The following COL24A1 variants were observed in gnomAD, a reference collection of about 807,000 sequenced individuals.
COL24A1 encodes collagen type XXIV alpha 1 chain.
COL24A1 carries 224 observed loss-of-function variants against 253.9 expected under a neutral mutation model. The ratio of observed to expected loss-of-function variants is 0.88; its 90% CI spans 0.79 to 0.99. COL24A1 has a LOEUF of 0.99. COL24A1 is among the 50% of genes least tolerant of loss of function. The probability of loss-of-function intolerance (pLI) is 0.00; values close to 1 mark genes in which losing one functional copy is unlikely to be tolerated. For synonymous variants in COL24A1, 685 were observed against 673.7 expected, an observed-to-expected ratio of 1.02 and a Z score of -0.26; for missense variants, 2,131 against 2,068.5, an observed-to-expected ratio of 1.03 and a Z score of -0.59.
At chr1:85,877,865 C>T (rs984135021) in intron 32 of COL24A1, among the ~76,000 whole-genome samples, 147 of 152,108 alleles carry the variant, frequency 9.7e-4, no homozygotes, top group African/African-American at 3.3e-3. Context: ...AAATTCCTAG[C>T]AAATATGTGA....
At chr1:85,766,160 G>A (rs1428737620) in intron 53 of COL24A1, among the ~76,000 whole-genome samples, 2 of 151,986 alleles carry the variant, frequency 1.3e-5, no homozygotes, top group African/African-American at 2.4e-5. Context: ...GAGGCCAGGA[G>A]TTCAAGACTG....
At chr1:85,913,763 C>T (rs1196384271) in intron 24 of COL24A1, among the ~76,000 whole-genome samples, 7 of 152,154 alleles carry the variant, frequency 4.6e-5, no homozygotes, top group Non-Finnish European at 1.5e-5. Context: ...TCACCATGCT[C>T]TGTGATTAAG....
intron 7 of COL24A1, among the ~76,000 whole-genome samples, chr1:86,074,606 C>CA: frequency 6.6e-6 from 1 of 152,252 alleles, no homozygotes; most frequent in East Asian, 1.9e-4. Context: ...ACCAAGCAGA[C>CA]ATAATAGACA....
intron 55 of COL24A1, among the ~76,000 whole-genome samples, chr1:85,757,977 A>T (rs1384113102): frequency 3.2e-4 from 49 of 152,158 alleles, no homozygotes; most frequent in Admixed American, 3.2e-3. Context: ...TAGAAAACAG[A>T]GAATAAAGAT....
intron 47 of COL24A1, among the ~76,000 whole-genome samples, chr1:85,790,506 G>A (rs78730367): frequency 0.011 from 1,712 of 150,514 alleles, 31 homozygotes; most frequent in African/African-American, 0.04. Context: ...ACCAACTCCT[G>A]GATTCGTTGA....
At chr1:85,934,050 C>T (rs1419435448) in intron 24 of COL24A1, among the ~76,000 whole-genome samples, 1 of 152,142 alleles carries the variant, frequency 6.6e-6, no homozygotes, top group African/African-American at 2.4e-5. Context: ...GCATTGGCTG[C>T]AGTCATCTGA....
At chr1:85,908,949 A>G (rs1428524911) in intron 26 of COL24A1, among the ~76,000 whole-genome samples, 1 of 151,796 alleles carries the variant, frequency 6.6e-6, no homozygotes, top group African/African-American at 2.4e-5. Flanking sequence ...TTATAAGAGA[A>G]CATTCATTTC....
At chr1:86,139,794 T>C (rs973830969) in intron 2 of COL24A1, among the ~76,000 whole-genome samples, 49 of 152,244 alleles carry the variant, frequency 3.2e-4, no homozygotes, top group African/African-American at 1.1e-3. Flanking sequence ...TCACCAAATT[T>C]GCAAATGAGA....
chr1:85,926,655 G>A (rs536911195), intron 24 of COL24A1, among the ~76,000 whole-genome samples: 2 of 152,000 alleles, frequency 1.3e-5, no homozygotes, highest in African/African-American at 4.8e-5. Context: ...CATCACACAC[G>A]GGGGCCTGTC....
At chr1:86,052,897 C>A (rs1413882550) in intron 10 of COL24A1, among the ~76,000 whole-genome samples, 1 of 151,842 alleles carries the variant, frequency 6.6e-6, no homozygotes, top group South Asian at 2.1e-4. Flanking sequence ...ATCTTGAAAA[C>A]TTTTTTAGGT....
chr1:86,072,223 C>A (rs887070459), intron 7 of COL24A1, among the ~76,000 whole-genome samples: 6 of 152,160 alleles, frequency 3.9e-5, no homozygotes, highest in African/African-American at 1.4e-4. Flanking sequence ...TCAGTGGATT[C>A]CACCCCCACA....
At chr1:86,016,427 C>G (rs1171475541) in intron 19 of COL24A1, among the ~76,000 whole-genome samples, 1 of 152,220 alleles carries the variant, frequency 6.6e-6, no homozygotes, top group Non-Finnish European at 1.5e-5. Flanking sequence ...TCTGCTGAAT[C>G]TATGACTCTA....
intron 47 of COL24A1, among the ~76,000 whole-genome samples, chr1:85,798,500 C>T (rs1671063546): frequency 1.3e-5 from 2 of 152,118 alleles, no homozygotes; most frequent in Admixed American, 6.5e-5. Flanking sequence ...ATGTAGGTCT[C>T]TTTCTCCAAA....
intron 7 of COL24A1, among the ~76,000 whole-genome samples, chr1:86,083,113 C>T (rs1427191728): frequency 6.6e-6 from 1 of 151,804 alleles, no homozygotes; most frequent in Admixed American, 6.6e-5. Flanking sequence ...CTGGCTAACA[C>T]GGTGAAACCC....
chr1:85,941,658 A>G (rs2103187526), intron 24 of COL24A1, among the ~76,000 whole-genome samples: 1 of 152,298 alleles, frequency 6.6e-6, no homozygotes, highest in East Asian at 1.9e-4. Flanking sequence ...TTATTATTTC[A>G]TAGTGAAGAA....
At chr1:85,997,341 A>C (rs1366603503) in intron 19 of COL24A1, among the ~76,000 whole-genome samples, 1 of 151,972 alleles carries the variant, frequency 6.6e-6, no homozygotes, top group Non-Finnish European at 1.5e-5. Context: ...ACATGTCTTC[A>C]ATCTGCTAAA....
At chr1:85,866,374 C>T (rs1245476418) in intron 37 of COL24A1, among the ~76,000 whole-genome samples, 1 of 151,824 alleles carries the variant, frequency 6.6e-6, no homozygotes, top group Non-Finnish European at 1.5e-5. Context: ...AAGTTTTTTC[C>T]CAGTTGTAAA....
chr1:85,895,948 A>C (rs1683649614), intron 30 of COL24A1, 46 bp from the exon 31 acceptor site: 1 of 1,601,288 alleles, frequency 6.2e-7, no homozygotes, highest in African/African-American at 1.4e-5. Flanking sequence ...CCCTCCAAAA[A>C]GATTAATCAT....
At chr1:85,877,415 T>C (rs1361014471) in intron 32 of COL24A1, among the ~76,000 whole-genome samples, 1 of 152,228 alleles carries the variant, frequency 6.6e-6, no homozygotes, top group Non-Finnish European at 1.5e-5. Flanking sequence ...CAGGCTGAAG[T>C]GCAATGGTGC....
Sources: allele counts gnomAD v4.1 joint callset (sites outside exome capture counted in the v4.1 genomes callset), GRCh38; gene constraint gnomAD v4.1.1; transcripts MANE v1.5; gene names NCBI Gene and HGNC (gene_info 2026-07-23, HGNC 2026-07-21).